IQGAP2: variants seen among roughly 807,000 people sequenced by gnomAD.
IQGAP2 encodes the protein ras GTPase-activating-like protein IQGAP2.
IQGAP2 carries 173 observed loss-of-function variants against 201.3 expected under a neutral mutation model. That is an observed-to-expected ratio of 0.86 (90% CI 0.76 to 0.98). The LOEUF (loss-of-function observed/expected upper bound fraction) is 0.98. IQGAP2 is among the 50% of genes least tolerant of loss of function. The pLI, the probability that IQGAP2 is intolerant of heterozygous loss-of-function variation, is 0.00. For synonymous variants in IQGAP2, 675 were observed against 673.9 expected, an observed-to-expected ratio of 1.00 and a Z score of -0.03; for missense variants, 1,687 against 1,864.8, an observed-to-expected ratio of 0.90 and a Z score of 1.76.
intron 11 of IQGAP2, 23 bp from the exon 12 acceptor site, chr5:76,606,156 C>G (rs1439547077): frequency 6.4e-7 from 1 of 1,568,176 alleles, no homozygotes; most frequent in Non-Finnish European, 8.6e-7. Context: ...TAATTAACAT[C>G]AAGATTATTT....
chr5:76,695,313 G>T, intron 31 of IQGAP2, 141 bp from the exon 32 acceptor site: 1 of 668,342 alleles, frequency 1.5e-6, no homozygotes, highest in Non-Finnish European at 2.6e-6. Flanking sequence ...TCAAAACTCA[G>T]GAAGAACATG....
At chr5:76,444,175 C>G (rs1284123121) in intron 1 of IQGAP2, among the ~76,000 whole-genome samples, 1 of 152,112 alleles carries the variant, frequency 6.6e-6, no homozygotes, top group Non-Finnish European at 1.5e-5. Context: ...CACTTGAGCT[C>G]AGGAGTTCAG....
rs771185966 is a variant in IQGAP2 at position 76,674,626 on chromosome 5, A to G, written c.3444A>G (p.Ala1148=). The G allele has an allele frequency of 1.2e-6, 2 of 1,614,176 alleles. No homozygotes were observed. Among genetic ancestry groups the G allele is most frequent in the Admixed American group, 3.3e-5 (2 of 60,014 alleles). ...CAGTGGCCAAGGTTCTTCAGCACGC[A>G]GCCTCCAACAAGCTGTTTGAAGGAG... ...LGSVAKVLQH[A]ASNKLFEGEN... The change falls in exon 27 of 36, where the codon GCA becomes GCG. Residue 1148 remains alanine, a synonymous_variant. Coordinates refer to ENST00000274364, the MANE Select transcript of IQGAP2 (RefSeq NM_006633.5).
At chr5:76,464,046 C>T (rs1273521765) in intron 2 of IQGAP2, among the ~76,000 whole-genome samples, 1 of 152,024 alleles carries the variant, frequency 6.6e-6, no homozygotes, top group East Asian at 1.9e-4. Context: ...TGGAGTTTCA[C>T]CATGTTAGCC....
chr5:76,492,250 A>T (rs147775649), intron 2 of IQGAP2, among the ~76,000 whole-genome samples: 1 of 152,266 alleles, frequency 6.6e-6, no homozygotes, highest in East Asian at 1.9e-4. Flanking sequence ...GTGAAGTGAA[A>T]CAGAGCACAG....
At chr5:76,532,253 T>A (rs193077214) in intron 2 of IQGAP2, among the ~76,000 whole-genome samples, 1 of 152,150 alleles carries the variant, frequency 6.6e-6, no homozygotes, top group Non-Finnish European at 1.5e-5. Flanking sequence ...ATGTCTATAG[T>A]CCCAGATACT....
At chr5:76,404,599 T>C (rs1003230221) in intron 1 of IQGAP2, 1 of 574,752 alleles carries the variant, frequency 1.7e-6, no homozygotes, top group Non-Finnish European at 2.2e-6. Flanking sequence ...TGTGTGGTTT[T>C]GGATGGTGCG....
chr5:76,603,081 A>G (rs187225616), intron 11 of IQGAP2, among the ~76,000 whole-genome samples: 10 of 152,272 alleles, frequency 6.6e-5, no homozygotes, highest in Admixed American at 3.3e-4. Context: ...CAGACTTCTC[A>G]TTCTAAGCAT....
intron 2 of IQGAP2, among the ~76,000 whole-genome samples, chr5:76,514,814 C>G (rs1003058466): frequency 2.0e-5 from 3 of 152,198 alleles, no homozygotes; most frequent in African/African-American, 7.2e-5. Flanking sequence ...TGTTTTCCCT[C>G]CACCTTGGTT....
intron 2 of IQGAP2, among the ~76,000 whole-genome samples, chr5:76,470,188 C>T (rs2150134157): frequency 6.6e-6 from 1 of 152,312 alleles, no homozygotes. Context: ...CACATGGAAA[C>T]TTACACATGG....
chr5:76,683,829 C>A lies in IQGAP2; in HGVS notation c.3817C>A (p.Leu1273Ile). 6.2e-7 allele frequency: 1 copy of A among 1,613,722 alleles called. No individual in the cohort carries two copies. Among genetic ancestry groups the A allele is most frequent in the Non-Finnish European group, 8.5e-7 (1 of 1,179,816 alleles). Reference sequence around the variant, plus strand: ...TAACAAGGCAAATACACTAAGTCAGCTTTCAAAGACCGAGATTTCTCTTGT... The same window carrying A: ...TAACAAGGCAAATACACTAAGTCAGATTTCAAAGACCGAGATTTCTCTTGT... ...DPNKANTLSQ[L>I]SKTEISLVLT... Residue 1273 changes from leucine (L) to isoleucine (I), a missense_variant, in exon 30 of 36, where the codon CTT becomes ATT. By Grantham distance (5) the Leu-to-Ile change is conservative. Coordinates refer to ENST00000274364, the MANE Select transcript of IQGAP2 (RefSeq NM_006633.5).
chr5:76,644,295 C>CTGTTTTTTTTTTTTTTTTTTTTTT (rs1751839662), intron 17 of IQGAP2, among the ~76,000 whole-genome samples: 2 of 47,790 alleles, frequency 4.2e-5, no homozygotes, highest in Admixed American at 2.3e-4. Flanking sequence ...TTTGTAAATC[C>CTGTTTTTTTTTTTTTTTTTTTTTT]TTTTTTTTTT....
At chr5:76,691,100 C>T (rs1300502750) in intron 30 of IQGAP2, among the ~76,000 whole-genome samples, 2 of 152,184 alleles carry the variant, frequency 1.3e-5, no homozygotes, top group Admixed American at 1.3e-4. Flanking sequence ...TCTGTCCGTC[C>T]CCGTCGTCCT....
chr5:76,407,612 A>G (rs974323539), intron 1 of IQGAP2, among the ~76,000 whole-genome samples: 1 of 152,186 alleles, frequency 6.6e-6, no homozygotes, highest in Non-Finnish European at 1.5e-5. Context: ...GAGCTTTTCA[A>G]AAGGATCTTT....
At chr5:76,587,979 T>G (rs1746368879) in intron 5 of IQGAP2, among the ~76,000 whole-genome samples, 1 of 151,930 alleles carries the variant, frequency 6.6e-6, no homozygotes, top group Non-Finnish European at 1.5e-5. Flanking sequence ...CAGAAAATTA[T>G]TGTCAGTTTT....
At chr5:76,446,697 G>A (rs1264900046) in intron 1 of IQGAP2, among the ~76,000 whole-genome samples, 1 of 152,110 alleles carries the variant, frequency 6.6e-6, no homozygotes, top group Admixed American at 6.5e-5. Context: ...GAACCAAATG[G>A]CTTTTTGGTT....
intron 17 of IQGAP2, among the ~76,000 whole-genome samples, chr5:76,644,666 T>C (rs1183002831): frequency 2.6e-5 from 4 of 152,112 alleles, no homozygotes; most frequent in African/African-American, 4.8e-5. Context: ...TATTTGCTTA[T>C]AATAAACAGC....
intron 1 of IQGAP2, among the ~76,000 whole-genome samples, chr5:76,440,526 T>C (rs986289507): frequency 2.6e-5 from 4 of 152,328 alleles, no homozygotes; most frequent in Non-Finnish European, 5.9e-5. Flanking sequence ...TTTTGAAAGA[T>C]AGGATATTTA....
At chr5:76,566,666 G>A (rs1744771668) in intron 3 of IQGAP2, among the ~76,000 whole-genome samples, 1 of 152,130 alleles carries the variant, frequency 6.6e-6, no homozygotes, top group Admixed American at 6.5e-5. Context: ...GAGGATAAGA[G>A]GGGAGACAGA....
Sources: gnomAD v4.1 joint callset for allele counts (sites outside exome capture counted in the v4.1 genomes callset) on GRCh38, gnomAD v4.1.1 for gene constraint, MANE v1.5 for transcripts, NCBI Gene and HGNC (gene_info 2026-07-23, HGNC 2026-07-21) for gene names.